The following RGSL1 variants were observed in gnomAD, a reference collection of about 807,000 sequenced individuals.
RGSL1 encodes the protein regulator of G protein signaling protein-like.
In RGSL1, 97 loss-of-function variants were observed where a neutral mutation model predicts 124.7. The observed-to-expected ratio is 0.78, with a 90% CI of 0.66 to 0.92. The LOEUF (loss-of-function observed/expected upper bound fraction) is 0.92. Among genes scored for constraint, RGSL1 ranks in the 40% least tolerant of loss-of-function variants. The pLI is 0.00. For missense variants in RGSL1, 1,233 were observed against 1,288.4 expected, an observed-to-expected ratio of 0.96 and a Z score of 0.66; for synonymous variants, 424 against 438.1, an observed-to-expected ratio of 0.97 and a Z score of 0.40.
chr1:182,519,014 G>A (rs1391237976), intron 9 of RGSL1, among the ~76,000 whole-genome samples: 1 of 151,124 alleles, frequency 6.6e-6, no homozygotes, highest in African/African-American at 2.4e-5. Context: ...TTAAAATGGG[G>A]GGGGGTAGGT....
chr1:182,536,904 G>T (rs1354028037), intron 14 of RGSL1, among the ~76,000 whole-genome samples: 3 of 152,170 alleles, frequency 2.0e-5, no homozygotes, highest in African/African-American at 7.2e-5. Context: ...TGAGATTTGG[G>T]TGAAGACACA....
chr1:182,507,066 C>T (rs543878937), intron 9 of RGSL1: 9 of 146,550 alleles, frequency 6.1e-5, no homozygotes, highest in Non-Finnish European at 8.9e-5. Flanking sequence ...TTTGGCTCAC[C>T]GCAAACTCCA....
At chr1:182,518,958 C>T (rs1168241737) in intron 9 of RGSL1, among the ~76,000 whole-genome samples, 2 of 150,466 alleles carry the variant, frequency 1.3e-5, no homozygotes, top group Non-Finnish European at 2.9e-5. Context: ...TTATTTGTCC[C>T]TTCTGTTCTA....
intron 14 of RGSL1, among the ~76,000 whole-genome samples, chr1:182,535,284 T>C (rs1659458614): frequency 6.6e-6 from 1 of 152,248 alleles, no homozygotes; most frequent in African/African-American, 2.4e-5. Context: ...TTCATACTCT[T>C]TCTATAGTTT....
At chr1:182,550,200 G>C (rs1308327515) in intron 17 of RGSL1, 1 of 152,324 alleles carries the variant, frequency 6.6e-6, no homozygotes, top group Non-Finnish European at 1.5e-5. Context: ...CTGAGGTTCA[G>C]AGTGGTTGAG....
chr1:182,467,132 G>T (rs1350721213), intron 4 of RGSL1, among the ~76,000 whole-genome samples: 1 of 152,112 alleles, frequency 6.6e-6, no homozygotes, highest in East Asian at 1.9e-4. Context: ...CAAACAAATG[G>T]AAGAACATTC....
chr1:182,454,547 T>C (rs778762875), intron 2 of RGSL1, among the ~76,000 whole-genome samples: 1 of 151,950 alleles, frequency 6.6e-6, no homozygotes, highest in Non-Finnish European at 1.5e-5. Flanking sequence ...ACTTCTCTGC[T>C]TCTGAGCCCC....
intron 9 of RGSL1, among the ~76,000 whole-genome samples, chr1:182,515,546 A>AC (rs1453984422): frequency 2.9e-4 from 27 of 92,272 alleles, no homozygotes; most frequent in African/African-American, 1.3e-3. Context: ...AAAGTAAAAA[A>AC]AAAAAAAGGG....
At chr1:182,527,800 C>T (rs1658866348) in intron 11 of RGSL1, 28 bp downstream of exon 11, 2 of 1,519,268 alleles carry the variant, frequency 1.3e-6, no homozygotes, top group South Asian at 1.2e-5. Context: ...ATCCTGTTTT[C>T]TCTCTCTCTT....
chr1:182,458,264 A>T, intron 2 of RGSL1, 55 bp from the exon 3 acceptor site: 1 of 1,320,284 alleles, frequency 7.6e-7, no homozygotes, highest in Admixed American at 2.0e-5. Flanking sequence ...GGACTGTGTC[A>T]TATACATGAA....
intron 6 of RGSL1, among the ~76,000 whole-genome samples, chr1:182,485,674 T>G (rs1655044615): frequency 6.6e-6 from 1 of 152,204 alleles, no homozygotes; most frequent in Admixed American, 6.5e-5. Context: ...TGCTATTTAC[T>G]GACAAGTGCA....
At chr1:182,493,445 G>T (rs986696564) in intron 9 of RGSL1, among the ~76,000 whole-genome samples, 1 of 152,144 alleles carries the variant, frequency 6.6e-6, no homozygotes. Context: ...TTACCTGGAG[G>T]CTGAGATTTG....
chr1:182,451,989 G>A (rs998160989), intron 1 of RGSL1, among the ~76,000 whole-genome samples: 1 of 152,068 alleles, frequency 6.6e-6, no homozygotes, highest in Non-Finnish European at 1.5e-5. Flanking sequence ...GAACAAGAGA[G>A]TAAGAGCAAG....
chr1:182,485,917 C>T (rs918393836), intron 6 of RGSL1, among the ~76,000 whole-genome samples: 1 of 152,290 alleles, frequency 6.6e-6, no homozygotes, highest in East Asian at 1.9e-4. Flanking sequence ...AAACTGTGCC[C>T]GTTTGTTTAC....
In RGSL1 at chr1:182,488,659, G is replaced by T. The variant is rs192444693; in HGVS notation, c.1494+312G>T. The T allele has an allele frequency of 4.0e-3, 1,334 of 334,588 alleles. 8 individuals are homozygous for T. Among genetic ancestry groups the T allele is most frequent in the Admixed American group, 8.2e-3 (174 of 21,318 alleles). 20.7% of individuals were successfully genotyped at this position (334,588 alleles called of 1,614,324 possible). A position where few individuals can be genotyped will look rare whatever the true frequency, so the allele number is the denominator to read the frequency against. ...GAGAATGGTGTGAACCCGGGAGGCG[G>T]AGCTTGCAGTGAGCCGAGATCCCGC... is the stretch of plus-strand genomic sequence containing the variant. On this transcript the variant is annotated intron_variant, in intron 7 of 21. Coordinates refer to ENST00000294854, the MANE Select transcript of RGSL1 (RefSeq NM_001137669.2).
intron 6 of RGSL1, among the ~76,000 whole-genome samples, chr1:182,482,607 C>T (rs971658725): frequency 2.6e-5 from 4 of 152,156 alleles, no homozygotes; most frequent in Non-Finnish European, 1.5e-5. Context: ...TGATTCTATA[C>T]ACTGACACTA....
intron 2 of RGSL1, among the ~76,000 whole-genome samples, chr1:182,454,312 C>A (rs539520225): frequency 6.6e-6 from 1 of 152,132 alleles, no homozygotes; most frequent in Non-Finnish European, 1.5e-5. Flanking sequence ...CTCATCATAC[C>A]CTCTGCTGAT....
chr1:182,508,859 T>A lies in RGSL1; in HGVS notation c.1826-13145T>A, dbSNP rs1471263779. Among the ~76,000 whole-genome samples the A allele has an allele frequency of 9.5e-4, 98 of 103,026 alleles. 1 individual carries two copies. The Middle Eastern group carries it at 0.038, about 40-fold the overall frequency. The allele number at this position is 103,026 out of a possible 152,430, so 67.6% of individuals were successfully genotyped here. A position where few individuals can be genotyped will look rare whatever the true frequency, so the allele number is the denominator to read the frequency against. On this transcript the variant is annotated intron_variant, in intron 9 of 21. Transcript: ENST00000294854. Reference sequence around the variant, plus strand: ...CCTTCCGCAGTGTTTGTGTCCCTGATTACTTGAGATTAGGGATTGGTGATG... The same window carrying A: ...CCTTCCGCAGTGTTTGTGTCCCTGAATACTTGAGATTAGGGATTGGTGATG...
chr1:182,533,817 T>C (rs1012144883), intron 14 of RGSL1, among the ~76,000 whole-genome samples: 5 of 152,178 alleles, frequency 3.3e-5, no homozygotes, highest in Admixed American at 2.6e-4. Flanking sequence ...GAGATCCTAT[T>C]AGTCAAGGCA....
Sources: allele counts gnomAD v4.1 joint callset (sites outside exome capture counted in the v4.1 genomes callset), GRCh38; gene constraint gnomAD v4.1.1; transcripts MANE v1.5; gene names NCBI Gene and HGNC (gene_info 2026-07-23, HGNC 2026-07-21).